The following GLRA3 variants were observed in gnomAD, a reference collection of about 807,000 sequenced individuals.
The protein encoded by GLRA3 is glycine receptor alpha 3.
GLRA3 carries 44 observed loss-of-function variants against 60.4 expected under a neutral mutation model. The observed-to-expected ratio is 0.73, with a 90% CI of 0.57 to 0.94. GLRA3 has a LOEUF of 0.94. GLRA3 is among the 40% of genes least tolerant of loss of function. GLRA3 has a pLI of 0.00. For missense variants in GLRA3, 508 were observed against 564.6 expected (o/e 0.90, Z 1.02); for synonymous variants, 223 against 192.9 (o/e 1.16, Z -1.29).
At position 174,785,279 on chromosome 4, in the gene GLRA3, AG is replaced by A. The variant is rs1247807292; in HGVS notation, c.199+3536del. Among the ~76,000 whole-genome samples the A allele has an allele frequency of 3.9e-5, 6 of 152,236 alleles. 1 individual carries two copies. In the East Asian group the frequency reaches 1.2e-3, roughly 29 times the overall value. ...TAGAAGTAGAAAGCAGCAAAATCAA[AG>A]TTGCATTTTTACAAAGTCGTTTGTA... On this transcript the variant is annotated intron_variant, in intron 2 of 9. Transcript: ENST00000274093.
At chr4:174,814,775 A>G (rs1579650778) in intron 1 of GLRA3, among the ~76,000 whole-genome samples, 1 of 152,140 alleles carries the variant, frequency 6.6e-6, no homozygotes, top group South Asian at 2.1e-4. Context: ...CCATGATTCA[A>G]TTACCTCCCA....
chr4:174,764,697 G>C (rs6813964), intron 3 of GLRA3, among the ~76,000 whole-genome samples: 57,094 of 151,448 alleles, frequency 0.38, 10,729 homozygotes, highest in East Asian at 0.53. Flanking sequence ...TTTTGTTGTA[G>C]AGTCGTGATA....
intron 1 of GLRA3, among the ~76,000 whole-genome samples, chr4:174,821,461 C>A (rs970617381): frequency 6.6e-6 from 1 of 152,048 alleles, no homozygotes; most frequent in African/African-American, 2.4e-5. Context: ...GCATAGCAAC[C>A]ATTATAACAA....
At chr4:174,709,863 G>T (rs956016415) in intron 5 of GLRA3, among the ~76,000 whole-genome samples, 17 of 151,732 alleles carry the variant, frequency 1.1e-4, no homozygotes, top group African/African-American at 4.1e-4. Flanking sequence ...ATTTTATTTT[G>T]ATTTTTAAAT....
chr4:174,765,159 T>C (rs1738092179), intron 3 of GLRA3, among the ~76,000 whole-genome samples: 1 of 147,832 alleles, frequency 6.8e-6, no homozygotes, highest in African/African-American at 2.5e-5. Flanking sequence ...CTGCAAGCTT[T>C]TGCAGAATGC....
rs150010709 is a variant in GLRA3, at chr4:174,681,861, G to A, written c.712+941C>T. 4.5e-3 allele frequency among the ~76,000 whole-genome samples: 687 copies of A among 152,242 alleles called. 1 individual carries two copies. Among genetic ancestry groups the A allele is most frequent in the African/African-American group, 0.016 (661 of 41,540 alleles). On this transcript the variant is annotated intron_variant, in intron 6 of 9. Coordinates refer to ENST00000274093, the MANE Select transcript of GLRA3 (RefSeq NM_006529.4). The stretch of plus-strand genomic sequence containing the variant: ...TGCCTGCTCTTTATCTTTGTGTTGA[G>A]ATGTTAAACTTGAACTCCCTAATAA...
At chr4:174,679,632 G>A (rs1261144995) in intron 6 of GLRA3, among the ~76,000 whole-genome samples, 1 of 152,146 alleles carries the variant, frequency 6.6e-6, no homozygotes, top group Admixed American at 6.5e-5. Context: ...ACCAACCCAA[G>A]TGTCCCTCAG....
intron 7 of GLRA3, among the ~76,000 whole-genome samples, chr4:174,674,905 T>G (rs1734055447): frequency 6.6e-6 from 1 of 152,158 alleles, no homozygotes; most frequent in East Asian, 1.9e-4. Context: ...CCCAAAATAG[T>G]TGCAGAATCA....
chr4:174,717,240 T>G (rs1417828364), intron 4 of GLRA3, among the ~76,000 whole-genome samples: 26 of 79,470 alleles, frequency 3.3e-4, no homozygotes, highest in Middle Eastern at 9.4e-3. Flanking sequence ...AAGGAAGGCA[T>G]GCAGGAAGGA....
intron 1 of GLRA3, among the ~76,000 whole-genome samples, chr4:174,808,932 A>G (rs1199888631): frequency 6.6e-6 from 1 of 152,206 alleles, no homozygotes; most frequent in Non-Finnish European, 1.5e-5. Flanking sequence ...GAAAGTTTAT[A>G]AAGTAAGAGT....
At chr4:174,733,020 C>T (rs1315677201) in intron 3 of GLRA3, among the ~76,000 whole-genome samples, 1 of 152,056 alleles carries the variant, frequency 6.6e-6, no homozygotes, top group African/African-American at 2.4e-5. Context: ...AATTATACAT[C>T]ATCACATATA....
chr4:174,723,413 T>G (rs10000984), intron 4 of GLRA3, among the ~76,000 whole-genome samples: 1 of 151,784 alleles, frequency 6.6e-6, no homozygotes, highest in Admixed American at 6.6e-5. Context: ...TTCTATTTTG[T>G]TCAATGATCA....
At chr4:174,724,692 C>T (rs1477064594) in intron 4 of GLRA3, among the ~76,000 whole-genome samples, 2 of 152,062 alleles carry the variant, frequency 1.3e-5, no homozygotes, top group African/African-American at 2.4e-5. Flanking sequence ...TTTGACCATA[C>T]TTTCCAGGCA....
intron 1 of GLRA3, among the ~76,000 whole-genome samples, chr4:174,802,208 A>G (rs1396938465): frequency 1.3e-5 from 2 of 151,956 alleles, no homozygotes; most frequent in African/African-American, 4.8e-5. Flanking sequence ...ATGAATAATA[A>G]AAATAATATT....
Position 174,704,645 on chromosome 4 carries a change from C to T in GLRA3, c.574+10843G>A, listed in dbSNP as rs576160434. 1.4e-4 allele frequency among the ~76,000 whole-genome samples: 20 copies of T among 143,798 alleles called. 3 individuals are homozygous for T. The East Asian group carries it at 3.4e-3, about 25-fold the overall frequency. The allele number at this position is 143,798 out of a possible 152,430, so 94.3% of individuals were successfully genotyped here. On this transcript the variant is annotated intron_variant, in intron 5 of 9. Transcript: ENST00000274093. The stretch of plus-strand genomic sequence containing the variant: ...GGGTCTCAAAAAGGTATTTGACATT[C>T]GTGTTCATAGCAGCATTACTCACTA...
chr4:174,657,518 AGG>A (rs1733256931), intron 8 of GLRA3, among the ~76,000 whole-genome samples: 1 of 152,168 alleles, frequency 6.6e-6, no homozygotes, highest in Admixed American at 6.6e-5. Context: ...TGATACTAGA[AGG>A]GAAAGTGGTC....
chr4:174,764,556 C>A (rs1440283322), intron 3 of GLRA3, among the ~76,000 whole-genome samples: 56 of 148,130 alleles, frequency 3.8e-4, no homozygotes, highest in East Asian at 5.9e-4. Context: ...GACTCCGTCT[C>A]AAAAAAAAAA....
intron 9 of GLRA3, among the ~76,000 whole-genome samples, chr4:174,648,365 G>A (rs578150692): frequency 1.3e-5 from 2 of 152,172 alleles, no homozygotes; most frequent in Non-Finnish European, 2.9e-5. Flanking sequence ...TCGAGAGGCT[G>A]AAGCAGGAGA....
chr4:174,825,269 C>T (rs1222217566), intron 1 of GLRA3, among the ~76,000 whole-genome samples: 2 of 151,982 alleles, frequency 1.3e-5, no homozygotes. Flanking sequence ...CAATATCTTA[C>T]ATAGAAAAAT....
Sources: allele counts gnomAD v4.1 joint callset (sites outside exome capture counted in the v4.1 genomes callset), GRCh38; gene constraint gnomAD v4.1.1; transcripts MANE v1.5; gene names NCBI Gene and HGNC (gene_info 2026-07-23, HGNC 2026-07-21).